NOX4: variants seen among roughly 807,000 people sequenced by gnomAD.
NOX4 encodes NADPH oxidase 4, also known as kidney oxidase-1.
Under a neutral mutation model 87.6 loss-of-function variants are expected in NOX4, and 69 were observed. The ratio of observed to expected loss-of-function variants is 0.79; its 90% CI spans 0.65 to 0.96. The LOEUF (loss-of-function observed/expected upper bound fraction) is 0.96. Among genes scored for constraint, NOX4 ranks in the 40% least tolerant of loss-of-function variants. The pLI is 0.00. For synonymous variants in NOX4, 275 were observed against 238.2 expected (o/e 1.15, Z -1.42); for missense variants, 680 against 681.5 (o/e 1.00, Z 0.02).
intron 13 of NOX4, among the ~76,000 whole-genome samples, chr11:89,346,689 T>C (rs1172643009): frequency 1.3e-5 from 2 of 152,144 alleles, no homozygotes; most frequent in East Asian, 3.9e-4. Flanking sequence ...CTTGGCCCTA[T>C]CCTTCAACCA....
chr11:89,578,520 C>T, the NOX4 span, among the ~76,000 whole-genome samples: 1 of 152,152 alleles, frequency 6.6e-6, no homozygotes, highest in Non-Finnish European at 1.5e-5. Flanking sequence ...ATACTCTCAA[C>T]AACCCTAAAA....
At chr11:89,370,517 T>C (rs182636626) in intron 12 of NOX4, among the ~76,000 whole-genome samples, 2 of 152,016 alleles carry the variant, frequency 1.3e-5, no homozygotes, top group East Asian at 3.9e-4. Context: ...TAACAAAACA[T>C]TTTTGTACAC....
intron 8 of NOX4, among the ~76,000 whole-genome samples, chr11:89,420,172 A>G (rs1943009588): frequency 6.6e-6 from 1 of 152,164 alleles, no homozygotes; most frequent in Admixed American, 6.6e-5. Context: ...CAAGCTGCTT[A>G]ATCTTTCTAA....
chr11:89,415,836 A>T (rs1358249729), intron 8 of NOX4, among the ~76,000 whole-genome samples: 1 of 152,150 alleles, frequency 6.6e-6, no homozygotes, highest in African/African-American at 2.4e-5. Flanking sequence ...CAGAGAGTTT[A>T]TAAAAGATTT....
At chr11:89,384,463 A>T (rs1451776717) in intron 11 of NOX4, among the ~76,000 whole-genome samples, 1 of 152,118 alleles carries the variant, frequency 6.6e-6, no homozygotes, top group African/African-American at 2.4e-5. Context: ...CTCCCAGCTG[A>T]TCATGTCTGG....
chr11:89,411,149 A>G (rs1942458404), intron 8 of NOX4, among the ~76,000 whole-genome samples: 1 of 152,064 alleles, frequency 6.6e-6, no homozygotes, highest in Non-Finnish European at 1.5e-5. Flanking sequence ...TGCCTTGAAG[A>G]GAAGGACCCA....
chr11:89,354,827 C>G, intron 13 of NOX4, 135 bp downstream of exon 13: 1 of 557,178 alleles, frequency 1.8e-6, no homozygotes, highest in South Asian at 2.3e-5. Context: ...CAGAAGATGT[C>G]TTAGTTAGTT....
chr11:89,347,646 A>T (rs1946274870), intron 13 of NOX4, among the ~76,000 whole-genome samples: 2 of 152,110 alleles, frequency 1.3e-5, no homozygotes, highest in South Asian at 4.1e-4. Flanking sequence ...ACTCAAGGGA[A>T]AAAGCTTGAA....
chr11:89,531,010 A>G, the NOX4 span, among the ~76,000 whole-genome samples: 1 of 152,112 alleles, frequency 6.6e-6, no homozygotes, highest in African/African-American at 2.4e-5. Context: ...CAATCTTCTC[A>G]TTGGACTCTG....
rs141411809 is a variant in NOX4 at position 89,450,762 on chromosome 11, G to A, written c.264+1023C>T. Among the ~76,000 whole-genome samples the A allele has an allele frequency of 1.6e-4, 22 of 136,634 alleles. No homozygotes were observed. In the East Asian group the frequency reaches 4.2e-3, roughly 26 times the overall value. The allele number at this position is 136,634 out of a possible 152,430, so 89.6% of individuals were successfully genotyped here. ...CTATTTAATCAAGACATATTTCTCT[G>A]CACACGTATGTTTATTGTGGCACTA... On this transcript the variant is annotated intron_variant, in intron 3 of 17. Transcript: ENST00000263317.
chr11:89,344,413 G>A (rs371210486), intron 13 of NOX4, among the ~76,000 whole-genome samples: 3 of 152,082 alleles, frequency 2.0e-5, no homozygotes, highest in South Asian at 4.1e-4. Context: ...AGCTGGGCAC[G>A]GTGGCACATG....
At chr11:89,493,427 AT>A (rs1270968466), upstream of NOX4, among the ~76,000 whole-genome samples, 6 of 152,014 alleles carry the variant, frequency 3.9e-5, no homozygotes, top group Non-Finnish European at 5.9e-5. Flanking sequence ...GCTAAAAGAG[AT>A]GAAGAAATTT....
intron 8 of NOX4, among the ~76,000 whole-genome samples, chr11:89,418,872 A>T (rs1942937327): frequency 6.6e-6 from 1 of 152,002 alleles, no homozygotes; most frequent in South Asian, 2.1e-4. Flanking sequence ...AAATGACCTT[A>T]GAAAATCATA....
At chr11:89,335,057 A>ACAT (rs1945642593) in intron 17 of NOX4, among the ~76,000 whole-genome samples, 1 of 151,818 alleles carries the variant, frequency 6.6e-6, no homozygotes, top group Non-Finnish European at 1.5e-5. Context: ...TTAATTACAA[A>ACAT]ATGTCAATAT....
chr11:89,457,137 C>A (rs555004422), intron 2 of NOX4, among the ~76,000 whole-genome samples: 1 of 152,312 alleles, frequency 6.6e-6, no homozygotes, highest in East Asian at 1.9e-4. Flanking sequence ...GCAGCCTTGA[C>A]CCACTACAGT....
At chr11:89,423,048 T>C (rs1943171750) in intron 7 of NOX4, among the ~76,000 whole-genome samples, 1 of 152,076 alleles carries the variant, frequency 6.6e-6, no homozygotes, top group Non-Finnish European at 1.5e-5. Flanking sequence ...TCCACCTGCG[T>C]CAGTCTCCCA....
intron 8 of NOX4, among the ~76,000 whole-genome samples, chr11:89,406,241 T>C (rs1327758235): frequency 6.6e-6 from 1 of 152,120 alleles, no homozygotes; most frequent in Non-Finnish European, 1.5e-5. Context: ...GATATTTGGA[T>C]TGATAGACAA....
chr11:89,480,310 A>T (rs1047656062), intron 2 of NOX4, among the ~76,000 whole-genome samples: 5 of 152,260 alleles, frequency 3.3e-5, no homozygotes, highest in Admixed American at 6.5e-5. Context: ...GTCCAGGGGA[A>T]CAATGTCATG....
At chr11:89,470,906 C>A (rs1049527393) in intron 2 of NOX4, among the ~76,000 whole-genome samples, 9 of 152,164 alleles carry the variant, frequency 5.9e-5, no homozygotes, top group African/African-American at 2.2e-4. Context: ...AGATCCACAG[C>A]TCAGACTGCT....
Sources: allele counts gnomAD v4.1 joint callset (sites outside exome capture counted in the v4.1 genomes callset), GRCh38; gene constraint gnomAD v4.1.1; transcripts MANE v1.5; gene names NCBI Gene and HGNC (gene_info 2026-07-23, HGNC 2026-07-21).